The following CHRM3 variants were observed in gnomAD, a reference collection of about 807,000 sequenced individuals.
The protein encoded by CHRM3 is cholinergic receptor muscarinic 3.
Under a neutral mutation model 41.8 loss-of-function variants are expected in CHRM3, and 11 were observed. The observed-to-expected ratio is 0.26, with a 90% CI of 0.17 to 0.44. The LOEUF (loss-of-function observed/expected upper bound fraction) is 0.44. CHRM3 is among the 20% of genes least tolerant of loss of function. CHRM3 has a pLI of 1.00. For missense variants in CHRM3, 571 were observed against 745.4 expected, an observed-to-expected ratio of 0.77 and a Z score of 2.72; for synonymous variants, 297 against 301.4, an observed-to-expected ratio of 0.99 and a Z score of 0.15.
intron 2 of CHRM3, among the ~76,000 whole-genome samples, chr1:239,511,185 G>A (rs965506368): frequency 2.0e-5 from 3 of 152,136 alleles, no homozygotes; most frequent in African/African-American, 4.8e-5. Flanking sequence ...ATTGCATGTC[G>A]TCTTATTTTA....
At position 239,510,308 on chromosome 1, in the gene CHRM3, A is replaced by G. The variant is rs180699498; in HGVS notation, c.-422+17501A>G. Reference sequence around the variant, plus strand: ...GTGTGGTAGTCCAGGCCTATGAGACATAAGCCAGAATCAACTGGTATCTTC... The same window carrying G: ...GTGTGGTAGTCCAGGCCTATGAGACGTAAGCCAGAATCAACTGGTATCTTC... On this transcript the variant is annotated intron_variant, in intron 2 of 6. Coordinates refer to ENST00000676153, the MANE Select transcript of CHRM3 (RefSeq NM_001375978.1). Among the ~76,000 whole-genome samples, 12 of 152,340 alleles carry G rather than the reference A, an allele frequency of 7.9e-5. No individual in the cohort carries two copies. In the East Asian group the frequency reaches 2.3e-3, roughly 29 times the overall value.
chr1:239,814,031 A>G (rs1671368789), intron 5 of CHRM3, among the ~76,000 whole-genome samples: 1 of 143,788 alleles, frequency 7.0e-6, no homozygotes, highest in Non-Finnish European at 1.5e-5. Context: ...ACTCGCTTTA[A>G]GGAAAAATAA....
chr1:239,854,136 A>G (rs1444490561), intron 6 of CHRM3, among the ~76,000 whole-genome samples: 1 of 152,084 alleles, frequency 6.6e-6, no homozygotes, highest in Non-Finnish European at 1.5e-5. Flanking sequence ...TGTTCTTTAG[A>G]ATTTTGAAAC....
chr1:239,443,606 A>C (rs970608803), intron 1 of CHRM3, among the ~76,000 whole-genome samples: 1 of 152,220 alleles, frequency 6.6e-6, no homozygotes, highest in Non-Finnish European at 1.5e-5. Flanking sequence ...TAATAAATCC[A>C]GACTATTTTG....
chr1:239,769,134 T>C (rs1456922784), intron 5 of CHRM3, among the ~76,000 whole-genome samples: 3 of 152,174 alleles, frequency 2.0e-5, no homozygotes, highest in Non-Finnish European at 4.4e-5. Flanking sequence ...AATTTCTTCT[T>C]TCATTCAATT....
intron 1 of CHRM3, among the ~76,000 whole-genome samples, chr1:239,449,985 A>T (rs1221239370): frequency 1.3e-5 from 2 of 152,194 alleles, no homozygotes; most frequent in African/African-American, 4.8e-5. Flanking sequence ...CTAACAATAT[A>T]GGAAGTAGAC....
chr1:239,498,602 G>A (rs1319503650), intron 2 of CHRM3, among the ~76,000 whole-genome samples: 1 of 152,044 alleles, frequency 6.6e-6, no homozygotes, highest in Admixed American at 6.6e-5. Flanking sequence ...CTTTCTGAGA[G>A]CTTAGCAGAA....
At chr1:239,564,480 T>C (rs999883694) in intron 3 of CHRM3, among the ~76,000 whole-genome samples, 1 of 152,200 alleles carries the variant, frequency 6.6e-6, no homozygotes, top group African/African-American at 2.4e-5. Context: ...TATCCCAATA[T>C]ATTTAAATGT....
chr1:239,583,895 T>G (rs1663138672), intron 3 of CHRM3, among the ~76,000 whole-genome samples: 1 of 152,082 alleles, frequency 6.6e-6, no homozygotes, highest in African/African-American at 2.4e-5. Context: ...ATGAGTTTTA[T>G]CCTACCCTGC....
chr1:239,662,893 C>CTCTTCT (rs67465048), intron 4 of CHRM3, among the ~76,000 whole-genome samples: 835 of 46,396 alleles, frequency 0.018, 24 homozygotes, highest in Non-Finnish European at 0.024. Flanking sequence ...CTTCCTCCTC[C>CTCTTCT]TCTTCTTCTT....
At chr1:239,716,216 T>G (rs1041112436) in intron 5 of CHRM3, among the ~76,000 whole-genome samples, 5 of 151,984 alleles carry the variant, frequency 3.3e-5, no homozygotes, top group Non-Finnish European at 7.4e-5. Context: ...AAAGTGATAC[T>G]TTTAGGGGAT....
intron 4 of CHRM3, among the ~76,000 whole-genome samples, chr1:239,671,081 A>T (rs1674322312): frequency 6.6e-6 from 1 of 152,112 alleles, no homozygotes; most frequent in South Asian, 2.1e-4. Flanking sequence ...ATGTTGTTCT[A>T]ATTTTGCCAT....
At chr1:239,593,032 C>T (rs911724296) in intron 3 of CHRM3, among the ~76,000 whole-genome samples, 1 of 152,130 alleles carries the variant, frequency 6.6e-6, no homozygotes, top group Admixed American at 6.6e-5. Flanking sequence ...AACTCCCCAT[C>T]TTCCACCCTG....
chr1:239,404,468 A>G (rs72754655), intron 1 of CHRM3, among the ~76,000 whole-genome samples: 38,656 of 84,826 alleles, frequency 0.46, 11,755 homozygotes, highest in Non-Finnish European at 0.63. Context: ...GAAAGAAAGA[A>G]AAAGAAAGAA....
chr1:239,520,725 T>C (rs1669586282), intron 2 of CHRM3, among the ~76,000 whole-genome samples: 1 of 152,214 alleles, frequency 6.6e-6, no homozygotes, highest in Admixed American at 6.5e-5. Flanking sequence ...GTGACTAAAA[T>C]AGCATTCTAA....
rs185758071 is a variant in CHRM3 at position 239,717,970 on chromosome 1, A to C, written c.-147+39682A>C. Among the ~76,000 whole-genome samples, 19 of 152,216 alleles carry C rather than the reference A, an allele frequency of 1.2e-4. No individual in the cohort carries two copies. The East Asian group carries it at 3.5e-3, about 28-fold the overall frequency. On this transcript the variant is annotated intron_variant, in intron 5 of 6. Transcript: ENST00000676153. ...TCTATTTGTCTACTTCATTGAAAAC[A>C]TGATTTTGTTTACTGACAAGTAAAT...
At chr1:239,399,307 GACTAATTAATA>G in intron 1 of CHRM3, among the ~76,000 whole-genome samples, 1 of 150,460 alleles carries the variant, frequency 6.6e-6, no homozygotes, top group East Asian at 1.9e-4. Context: ...GATTACATCA[GACTAATTAATA>G]TATCCATGAC....
At chr1:239,717,303 C>A (rs1378338886) in intron 5 of CHRM3, among the ~76,000 whole-genome samples, 2 of 152,084 alleles carry the variant, frequency 1.3e-5, no homozygotes, top group African/African-American at 4.8e-5. Flanking sequence ...ACCAGGAAAG[C>A]ATAGAATAGA....
At chr1:239,634,316 A>G (rs115279498) in intron 4 of CHRM3, among the ~76,000 whole-genome samples, 1,630 of 152,032 alleles carry the variant, frequency 0.011, 17 homozygotes, top group Non-Finnish European at 0.015. Context: ...CTATTCCTGT[A>G]TAACAGAAAC....
Sources: gnomAD v4.1 joint callset for allele counts (sites outside exome capture counted in the v4.1 genomes callset) on GRCh38, gnomAD v4.1.1 for gene constraint, MANE v1.5 for transcripts, NCBI Gene and HGNC (gene_info 2026-07-23, HGNC 2026-07-21) for gene names.